KANSL2: variants seen among roughly 807,000 people sequenced by gnomAD.
The protein encoded by KANSL2 is NSL complex protein NSL2.
In KANSL2, 34 loss-of-function variants were observed where a neutral mutation model predicts 55.6. That is an observed-to-expected ratio of 0.61 (90% CI 0.46 to 0.81). KANSL2 has a LOEUF of 0.81. Among genes scored for constraint, KANSL2 ranks in the 40% least tolerant of loss-of-function variants. The pLI is 0.00. For missense variants in KANSL2, 502 were observed against 609.9 expected, an observed-to-expected ratio of 0.82 and a Z score of 1.86; for synonymous variants, 209 against 214.3, an observed-to-expected ratio of 0.98 and a Z score of 0.22.
chr12:48,654,843 C>T, intron 9 of KANSL2, 98 bp downstream of exon 9: 4 of 1,264,688 alleles, frequency 3.2e-6, no homozygotes, highest in Admixed American at 2.3e-5. Context: ...AGTGATGACA[C>T]CCCACTCCCC....
At chr12:48,656,836 C>T (rs987444878) in intron 8 of KANSL2, 1 of 461,804 alleles carries the variant, frequency 2.2e-6, no homozygotes, top group East Asian at 5.7e-5. Flanking sequence ...CACTGCTTTT[C>T]AAGAGTCTGG....
At chr12:48,667,482 CA>C in intron 7 of KANSL2, 1 of 692,166 alleles carries the variant, frequency 1.4e-6, no homozygotes, top group Non-Finnish European at 2.7e-6. Flanking sequence ...ATGAATTGAC[CA>C]TTACATTTCC....
At chr12:48,662,621 G>T (rs1429694251) in intron 7 of KANSL2, 19 of 1,287,876 alleles carry the variant, frequency 1.5e-5, no homozygotes, top group Non-Finnish European at 1.7e-5. Context: ...ACAGTAAAGA[G>T]TTAACAGGTC....
Position 48,679,694 on chromosome 12 carries a change from T to C in KANSL2, c.391A>G (p.Thr131Ala), listed in dbSNP as rs747304805. 2.5e-6 allele frequency: 4 copies of C among 1,613,474 alleles called. No homozygotes were observed. Among genetic ancestry groups the C allele is most frequent in the African/African-American group, 1.3e-5 (1 of 74,870 alleles). ...GCTTCACTGCGACTACTTTCTGGAG[T>C]CTGAGACCCCAGCTCTGTCTTAGCA... ...SYAKTELGSQTPESSRSEASR... is the reference protein window; with the variant it reads ...SYAKTELGSQAPESSRSEASR... Residue 131 changes from threonine to alanine, a missense_variant, in exon 3 of 10, where the codon ACT becomes GCT. Physicochemically the swap from Thr to Ala is moderately conservative, Grantham distance 58. Coordinates refer to ENST00000420613, the MANE Select transcript of KANSL2 (RefSeq NM_017822.4).
chr12:48,676,580 C>T (rs1026409381), intron 4 of KANSL2, among the ~76,000 whole-genome samples: 5 of 152,076 alleles, frequency 3.3e-5, no homozygotes, highest in Non-Finnish European at 5.9e-5. Context: ...ATCATTTGAA[C>T]CCGGGAGGCG....
At position 48,667,589 on chromosome 12, in the gene KANSL2, G is replaced by A. The variant is rs375261911; in HGVS notation, c.973+104C>T. On this transcript the variant is annotated intron_variant, in intron 7 of 9. Coordinates refer to ENST00000420613, the MANE Select transcript of KANSL2 (RefSeq NM_017822.4). ...AGCAAACTGCTGGCCTTGATTCAGG[G>A]CCAAAGGAAAACAAAATCCTTCAAT... The A allele has an allele frequency of 1.6e-4, 147 of 931,858 alleles. No homozygotes were observed. In the African/African-American group the frequency reaches 1.6e-3, roughly 10 times the overall value. The allele number at this position is 931,858 out of a possible 1,614,324, so 57.7% of individuals were successfully genotyped here.
chr12:48,667,456 C>G (rs1302140700), intron 7 of KANSL2: 1 of 625,556 alleles, frequency 1.6e-6, no homozygotes, highest in South Asian at 1.5e-5. Context: ...TGAAAAACGA[C>G]TCATGTTTCT....
intron 7 of KANSL2, chr12:48,662,766 T>TAAGCTA: frequency 1.7e-6 from 1 of 600,506 alleles, no homozygotes; most frequent in South Asian, 2.5e-5. Flanking sequence ...ACATTTTCAA[T>TAAGCTA]TTTGCTTTAT....
At chr12:48,662,398 C>T (rs560698989) in intron 7 of KANSL2, among the ~76,000 whole-genome samples, 5 of 152,206 alleles carry the variant, frequency 3.3e-5, no homozygotes, top group Non-Finnish European at 7.3e-5. Flanking sequence ...AGCCACCACG[C>T]CTGGCCAAGA....
intron 4 of KANSL2, among the ~76,000 whole-genome samples, chr12:48,673,354 G>T (rs1483591553): frequency 6.6e-6 from 1 of 152,024 alleles, no homozygotes; most frequent in South Asian, 2.1e-4. Context: ...GAGGTCAGGT[G>T]TTCAAGACCA....
chr12:48,673,952 AAAATAAAT>A (rs928832766), intron 4 of KANSL2, among the ~76,000 whole-genome samples: 5 of 152,194 alleles, frequency 3.3e-5, no homozygotes, highest in East Asian at 3.9e-4. Context: ...CCATGTCTCA[AAAATAAAT>A]AAATAAATAA....
chr12:48,673,514 C>A (rs1274813496), intron 4 of KANSL2, among the ~76,000 whole-genome samples: 1 of 149,508 alleles, frequency 6.7e-6, no homozygotes, highest in East Asian at 2.0e-4. Flanking sequence ...GAGCTGAGAT[C>A]GTGCCACTGC....
At chr12:48,656,277 G>GT (rs5798084) in intron 8 of KANSL2, among the ~76,000 whole-genome samples, 31,671 of 140,574 alleles carry the variant, frequency 0.23, 4,452 homozygotes, top group Non-Finnish European at 0.33. Context: ...TTTTTGTTTT[G>GT]TTTTTTTTTT....
intron 4 of KANSL2, among the ~76,000 whole-genome samples, chr12:48,672,783 C>T (rs368031328): frequency 3.3e-5 from 5 of 149,918 alleles, no homozygotes; most frequent in Non-Finnish European, 7.4e-5. Context: ...TTTTTTGAGA[C>T]AGTCTTGCTC....
chr12:48,678,249 C>A (rs778736409), intron 4 of KANSL2, among the ~76,000 whole-genome samples: 13 of 152,084 alleles, frequency 8.5e-5, no homozygotes, highest in Non-Finnish European at 1.6e-4. Context: ...AAACTACACC[C>A]AGACCTTGAG....
chr12:48,670,209 A>T (rs1470332657), intron 5 of KANSL2, among the ~76,000 whole-genome samples: 1 of 151,924 alleles, frequency 6.6e-6, no homozygotes, highest in Non-Finnish European at 1.5e-5. Context: ...AAAAAAAAAA[A>T]AAAAAATCTA....
chr12:48,656,326 T>A (rs1592095960), intron 8 of KANSL2, among the ~76,000 whole-genome samples: 1 of 149,858 alleles, frequency 6.7e-6, no homozygotes, highest in Non-Finnish European at 1.5e-5. Flanking sequence ...CAGGCTGGAG[T>A]GCAGTGACGT....
rs747949906 is a variant in KANSL2 at position 48,664,055 on chromosome 12, C to T, written c.974-3436G>A. On this transcript the variant is annotated intron_variant, in intron 7 of 9. Transcript: ENST00000420613. The stretch of plus-strand genomic sequence containing the variant: ...TCAGCCTCCCGAGTAGCTGGGATTA[C>T]GGGTGCCCATCACCACGCCTGGCTA... Among the ~76,000 whole-genome samples the T allele has an allele frequency of 4.0e-5, 6 of 150,818 alleles. No homozygotes were observed. In the East Asian group the frequency reaches 9.9e-4, roughly 25 times the overall value.
intron 8 of KANSL2, among the ~76,000 whole-genome samples, chr12:48,657,256 C>G (rs1240211952): frequency 6.6e-6 from 1 of 151,988 alleles, no homozygotes; most frequent in Non-Finnish European, 1.5e-5. Flanking sequence ...GAAACCCCAT[C>G]TCTACTAAAA....
Sources: allele counts gnomAD v4.1 joint callset (sites outside exome capture counted in the v4.1 genomes callset), GRCh38; gene constraint gnomAD v4.1.1; transcripts MANE v1.5; gene names NCBI Gene and HGNC (gene_info 2026-07-23, HGNC 2026-07-21).